The following IQCM variants were observed in gnomAD, a reference collection of about 807,000 sequenced individuals.
IQCM encodes the protein IQ domain-containing protein M.
Under a neutral mutation model 57.6 loss-of-function variants are expected in IQCM, and 45 were observed. The observed-to-expected ratio is 0.78, with a 90% CI of 0.62 to 1.00. The LOEUF (loss-of-function observed/expected upper bound fraction) is 1.00. IQCM is among the 50% of genes least tolerant of loss of function. The probability of loss-of-function intolerance (pLI) is 0.00; values close to 1 mark genes in which losing one functional copy is unlikely to be tolerated. For missense variants in IQCM, 468 were observed against 511.6 expected, an observed-to-expected ratio of 0.91 and a Z score of 0.82; for synonymous variants, 148 against 158.9, an observed-to-expected ratio of 0.93 and a Z score of 0.51.
intron 10 of IQCM, among the ~76,000 whole-genome samples, chr4:149,561,613 T>A (rs192550491): frequency 6.6e-6 from 1 of 152,276 alleles, no homozygotes; most frequent in African/African-American, 2.4e-5. Context: ...CCTGTCTTCA[T>A]GGAGTTTGCA....
intron 12 of IQCM, among the ~76,000 whole-genome samples, chr4:149,533,094 T>A (rs1326060575): frequency 6.6e-6 from 1 of 152,048 alleles, no homozygotes; most frequent in African/African-American, 2.4e-5. Flanking sequence ...CAAATGCAAG[T>A]AATTTAGTGT....
intron 2 of IQCM, among the ~76,000 whole-genome samples, chr4:149,791,172 T>C (rs868515483): frequency 2.0e-5 from 3 of 152,214 alleles, no homozygotes; most frequent in African/African-American, 4.8e-5. Flanking sequence ...TCATATTTCA[T>C]TAACATAAAT....
At chr4:149,632,743 AACTGTATAT>A (rs1228427734) in intron 7 of IQCM, among the ~76,000 whole-genome samples, 1 of 152,218 alleles carries the variant, frequency 6.6e-6, no homozygotes, top group Non-Finnish European at 1.5e-5. Flanking sequence ...ACAAGGTATG[AACTGTATAT>A]GATTGGTGGG....
chr4:149,794,503 G>T lies in IQCM; in HGVS notation c.-49+20808C>A, dbSNP rs117109368. ...TCAGGGGAAATAGATGAGTACAATGGTGAAGGAAAACTAGCCAGCGAGTTA... is the reference window on the plus strand; with the variant it reads ...TCAGGGGAAATAGATGAGTACAATGTTGAAGGAAAACTAGCCAGCGAGTTA... On this transcript the variant is annotated intron_variant, in intron 2 of 13. Coordinates refer to ENST00000636793, the MANE Select transcript of IQCM (RefSeq NM_001363507.2). Among the ~76,000 whole-genome samples the T allele has an allele frequency of 1.1e-4, 16 of 152,274 alleles. No individual in the cohort carries two copies. The East Asian group carries it at 3.1e-3, about 29-fold the overall frequency.
chr4:149,587,616 G>A (rs573291732), intron 9 of IQCM, among the ~76,000 whole-genome samples: 8 of 151,494 alleles, frequency 5.3e-5, no homozygotes, highest in Non-Finnish European at 1.2e-4. Flanking sequence ...TGTCATTTAC[G>A]GCATTGTCAT....
chr4:149,666,418 G>A (rs755426689), intron 7 of IQCM, among the ~76,000 whole-genome samples: 4 of 152,120 alleles, frequency 2.6e-5, no homozygotes, highest in Non-Finnish European at 5.9e-5. Context: ...TTTTCCCATG[G>A]TCTTTGCAAT....
chr4:149,779,285 A>C (rs2150005362), intron 2 of IQCM, among the ~76,000 whole-genome samples: 1 of 152,286 alleles, frequency 6.6e-6, no homozygotes, highest in Non-Finnish European at 1.5e-5. Context: ...AATTCATATG[A>C]AAGTCAAGGA....
intron 4 of IQCM, among the ~76,000 whole-genome samples, chr4:149,734,747 T>C (rs1766777208): frequency 6.6e-6 from 1 of 152,056 alleles, no homozygotes; most frequent in Non-Finnish European, 1.5e-5. Flanking sequence ...CTATAGATGC[T>C]CTCCTCCAAA....
At chr4:149,359,522 T>A (rs1435518774) in intron 13 of IQCM, among the ~76,000 whole-genome samples, 1 of 152,172 alleles carries the variant, frequency 6.6e-6, no homozygotes, top group Non-Finnish European at 1.5e-5. Flanking sequence ...AGGAAATAAT[T>A]AGAAACAACA....
intron 2 of IQCM, among the ~76,000 whole-genome samples, chr4:149,794,719 C>T (rs1440742226): frequency 6.6e-6 from 1 of 151,886 alleles, no homozygotes; most frequent in East Asian, 1.9e-4. Flanking sequence ...AATATAATTA[C>T]TAAAATTAGA....
chr4:149,608,490 C>G (rs1754991540), intron 8 of IQCM, among the ~76,000 whole-genome samples: 1 of 151,750 alleles, frequency 6.6e-6, no homozygotes, highest in African/African-American at 2.4e-5. Flanking sequence ...ATGGAATATT[C>G]TCAAGGATAA....
intron 3 of IQCM, among the ~76,000 whole-genome samples, chr4:149,742,376 C>T (rs1767536678): frequency 6.6e-6 from 1 of 152,028 alleles, no homozygotes; most frequent in Non-Finnish European, 1.5e-5. Flanking sequence ...AATTAAAATT[C>T]ATTAAATTTA....
chr4:149,650,474 T>C (rs1579850698), intron 7 of IQCM, among the ~76,000 whole-genome samples: 1 of 149,050 alleles, frequency 6.7e-6, no homozygotes, highest in Admixed American at 6.7e-5. Flanking sequence ...TTCACTGCAA[T>C]CTCCACCTCC....
chr4:149,403,009 T>C (rs532643814), intron 13 of IQCM, among the ~76,000 whole-genome samples: 2 of 152,100 alleles, frequency 1.3e-5, no homozygotes, highest in East Asian at 1.9e-4. Flanking sequence ...ACTGGCTTTA[T>C]ATTTTTCACT....
At chr4:149,757,197 G>A (rs796692954) in intron 2 of IQCM, among the ~76,000 whole-genome samples, 7 of 151,898 alleles carry the variant, frequency 4.6e-5, no homozygotes, top group Non-Finnish European at 1.0e-4. Context: ...GGCAGAGCTC[G>A]CAGTGAGCCA....
rs182721917 is a variant in IQCM at position 149,377,650 on chromosome 4, A to G, written c.1391-25584T>C. Among the ~76,000 whole-genome samples, 451 of 152,256 alleles carry G rather than the reference A, an allele frequency of 3.0e-3. 6 individuals are homozygous for G. Among genetic ancestry groups the G allele is most frequent in the African/African-American group, 0.01 (428 of 41,562 alleles). ...CCCTAAGCTCCAGATTTGATGGGGA[A>G]AGGGATCCTATGATCTACTACATAT... On this transcript the variant is annotated intron_variant, in intron 13 of 13. Coordinates refer to ENST00000636793, the MANE Select transcript of IQCM (RefSeq NM_001363507.2).
In IQCM at chr4:149,815,645, C is replaced by A. The variant is rs977028795; in HGVS notation, c.-132G>T. 10 of 151,928 alleles carry A rather than the reference C, an allele frequency of 6.6e-5. No homozygotes were observed. Among genetic ancestry groups the A allele is most frequent in the African/African-American group, 2.2e-4 (9 of 41,406 alleles). The allele number at this position is 151,928 out of a possible 1,614,324, so 9.4% of individuals were successfully genotyped here. ...AAAACTTCTAGAAACAAATTCACTG[C>A]CCCAAAATCATAATAATCTCAGTTG... On this transcript the variant is annotated 5_prime_UTR_variant, in exon 1 of 14. Coordinates refer to ENST00000636793, the MANE Select transcript of IQCM (RefSeq NM_001363507.2).
At chr4:149,649,160 A>G (rs1227478819) in intron 7 of IQCM, among the ~76,000 whole-genome samples, 1 of 151,832 alleles carries the variant, frequency 6.6e-6, no homozygotes, top group Non-Finnish European at 1.5e-5. Context: ...CTCAGCAACA[A>G]AGAATCCTCC....
At chr4:149,354,172 G>A (rs540474315) in intron 13 of IQCM, among the ~76,000 whole-genome samples, 20 of 150,598 alleles carry the variant, frequency 1.3e-4, no homozygotes, top group Middle Eastern at 6.8e-3. Flanking sequence ...AGACCATCCC[G>A]GCTAAAACGG....
Sources: allele counts gnomAD v4.1 joint callset (sites outside exome capture counted in the v4.1 genomes callset), GRCh38; gene constraint gnomAD v4.1.1; transcripts MANE v1.5; gene names NCBI Gene and HGNC (gene_info 2026-07-23, HGNC 2026-07-21).